The following C1QTNF7 variants were observed in gnomAD, a reference collection of about 807,000 sequenced individuals.
C1QTNF7 encodes C1q and TNF related 7.
A neutral mutation model predicts 19.6 loss-of-function variants in C1QTNF7; 15 were observed. The ratio of observed to expected loss-of-function variants is 0.76; its 90% CI spans 0.51 to 1.18. C1QTNF7 has a LOEUF of 1.18. Ranked by LOEUF, C1QTNF7 falls within the 50% of genes most tolerant of loss-of-function variation. The probability of loss-of-function intolerance (pLI) is 0.00; values close to 1 mark genes in which losing one functional copy is unlikely to be tolerated. For synonymous variants in C1QTNF7, 142 were observed against 137.5 expected (o/e 1.03, Z -0.23); for missense variants, 324 against 359.7 (o/e 0.90, Z 0.80).
chr4:15,439,657 C>T (rs1273301788), intron 2 of C1QTNF7, among the ~76,000 whole-genome samples: 1 of 152,130 alleles, frequency 6.6e-6, no homozygotes, highest in Non-Finnish European at 1.5e-5. Flanking sequence ...TTCTCAAGAA[C>T]AAATACATAG....
chr4:15,350,877 A>T (rs1326270838), intron 1 of C1QTNF7, among the ~76,000 whole-genome samples: 1 of 152,204 alleles, frequency 6.6e-6, no homozygotes, highest in Non-Finnish European at 1.5e-5. Flanking sequence ...TTTGGGTAAG[A>T]TTTTTGAAGT....
chr4:15,406,574 T>C (rs936180681), intron 1 of C1QTNF7, among the ~76,000 whole-genome samples: 2 of 152,146 alleles, frequency 1.3e-5, no homozygotes. Context: ...AACTTCCTAA[T>C]TGGAAAATGA....
chr4:15,341,938 A>C (rs1234646205), intron 1 of C1QTNF7, among the ~76,000 whole-genome samples: 4 of 152,354 alleles, frequency 2.6e-5, no homozygotes, highest in African/African-American at 9.6e-5. Flanking sequence ...GCTCCAATGG[A>C]GGCTGGCGGC....
intron 1 of C1QTNF7, among the ~76,000 whole-genome samples, chr4:15,399,277 G>C (rs971902427): frequency 6.6e-6 from 1 of 152,110 alleles, no homozygotes; most frequent in Non-Finnish European, 1.5e-5. Flanking sequence ...CTGACCATCA[G>C]CTGATGGTCA....
At chr4:15,348,118 T>C (rs575824020) in intron 1 of C1QTNF7, among the ~76,000 whole-genome samples, 1 of 152,312 alleles carries the variant, frequency 6.6e-6, no homozygotes, top group East Asian at 1.9e-4. Flanking sequence ...CCAGCTAATC[T>C]TTCTCTTTGC....
chr4:15,372,648 T>C lies in C1QTNF7; in HGVS notation c.13+32441T>C, dbSNP rs561781905. 3.3e-5 allele frequency among the ~76,000 whole-genome samples: 5 copies of C among 152,232 alleles called. 1 individual carries two copies. Among genetic ancestry groups the C allele is most frequent in the Non-Finnish European group, 7.3e-5 (5 of 68,040 alleles). On this transcript the variant is annotated intron_variant, in intron 1 of 2. Coordinates refer to the C1QTNF7 transcript ENST00000295297. ...AACCATAAAATATGAGTTGGACTTG[T>C]GACTTGATCATTTTCAAGGGGGCGC...
chr4:15,392,849 G>A lies in C1QTNF7; in HGVS notation c.14-42887G>A, dbSNP rs527888085. 2.0e-5 allele frequency among the ~76,000 whole-genome samples: 3 copies of A among 152,320 alleles called. No homozygotes were observed. In the East Asian group the frequency reaches 5.8e-4, roughly 29 times the overall value. ...ACAGGTGAGAGTAACCGGGAAAACA[G>A]GTGAATGCCACCTGGGAGTTTGCTA... is the stretch of plus-strand genomic sequence containing the variant. On this transcript the variant is annotated intron_variant, in intron 1 of 2. Coordinates refer to the C1QTNF7 transcript ENST00000295297.
chr4:15,420,759 G>A (rs1354258977), intron 1 of C1QTNF7, among the ~76,000 whole-genome samples: 4 of 149,068 alleles, frequency 2.7e-5, no homozygotes, highest in Non-Finnish European at 5.9e-5. Flanking sequence ...AGAAATGTCA[G>A]TGGGAAGGGA....
chr4:15,411,952 G>A (rs555490782), intron 1 of C1QTNF7, among the ~76,000 whole-genome samples: 3 of 152,196 alleles, frequency 2.0e-5, no homozygotes, highest in East Asian at 1.9e-4. Flanking sequence ...AGTGGCAGGC[G>A]AGTCAGTGAA....
chr4:15,390,428 T>C (rs1003838437), intron 1 of C1QTNF7, among the ~76,000 whole-genome samples: 7 of 152,172 alleles, frequency 4.6e-5, no homozygotes, highest in African/African-American at 1.7e-4. Flanking sequence ...CCTAGCCAAG[T>C]TAATGCAAAA....
chr4:15,354,752 A>G (rs1717071914), intron 1 of C1QTNF7, among the ~76,000 whole-genome samples: 1 of 152,152 alleles, frequency 6.6e-6, no homozygotes, highest in South Asian at 2.1e-4. Context: ...CTCAGGAAGC[A>G]AAGACACAGT....
At chr4:15,401,145 C>G (rs1211784635) in intron 1 of C1QTNF7, among the ~76,000 whole-genome samples, 1 of 151,954 alleles carries the variant, frequency 6.6e-6, no homozygotes, top group Non-Finnish European at 1.5e-5. Context: ...TGCACAATAG[C>G]GAGGGGGAAG....
Position 15,442,815 on chromosome 4 carries a change from C to A in C1QTNF7, c.*16C>A, listed in dbSNP as rs1208403711. 4 of 1,572,774 alleles carry A rather than the reference C, an allele frequency of 2.5e-6. No individual in the cohort carries two copies. Among genetic ancestry groups the A allele is most frequent in the Non-Finnish European group, 3.4e-6 (4 of 1,162,108 alleles). Reference sequence around the variant, plus strand: ...TGAATTGTGATCAGGACCAAGATCCCTGTGGTAAACACTCTGATTGAATCT... The same window carrying A: ...TGAATTGTGATCAGGACCAAGATCCATGTGGTAAACACTCTGATTGAATCT... On this transcript the variant is annotated 3_prime_UTR_variant, in exon 3 of 3. Transcript: ENST00000444304.
chr4:15,356,488 CCAGT>C (rs1717151311), intron 1 of C1QTNF7, among the ~76,000 whole-genome samples: 1 of 152,128 alleles, frequency 6.6e-6, no homozygotes, highest in Non-Finnish European at 1.5e-5. Context: ...TTTTCTTTAT[CCAGT>C]CAATCATTGA....
intron 1 of C1QTNF7, among the ~76,000 whole-genome samples, chr4:15,415,561 A>G (rs1377514991): frequency 6.6e-6 from 1 of 152,022 alleles, no homozygotes; most frequent in African/African-American, 2.4e-5. Context: ...ACCTCTCTGT[A>G]TAGCAATATG....
At chr4:15,393,732 A>G (rs1718671813) in intron 1 of C1QTNF7, among the ~76,000 whole-genome samples, 1 of 152,304 alleles carries the variant, frequency 6.6e-6, no homozygotes, top group South Asian at 2.1e-4. Context: ...CACCTCTTCC[A>G]CAGGGTAGTT....
intron 1 of C1QTNF7, among the ~76,000 whole-genome samples, chr4:15,359,650 A>T (rs899560490): frequency 3.9e-5 from 6 of 152,190 alleles, no homozygotes; most frequent in Non-Finnish European, 8.8e-5. Context: ...AGGAAATGAT[A>T]ATATAAGAAA....
At chr4:15,415,184 G>A (rs1235478625) in intron 1 of C1QTNF7, among the ~76,000 whole-genome samples, 3 of 152,202 alleles carry the variant, frequency 2.0e-5, no homozygotes, top group African/African-American at 4.8e-5. Context: ...AGAAAGCACA[G>A]AAGGAGAGAA....
chr4:15,433,205 A>T (rs1229672819), intron 1 of C1QTNF7, among the ~76,000 whole-genome samples: 1 of 152,000 alleles, frequency 6.6e-6, no homozygotes, highest in African/African-American at 2.4e-5. Context: ...TTTGGTAGAG[A>T]TGGGGTCTTG....
Sources: allele counts gnomAD v4.1 joint callset (sites outside exome capture counted in the v4.1 genomes callset), GRCh38; gene constraint gnomAD v4.1.1; transcripts MANE v1.5; gene names NCBI Gene and HGNC (gene_info 2026-07-23, HGNC 2026-07-21).